The following MAPK9 variants were observed in gnomAD, a reference collection of about 807,000 sequenced individuals.
MAPK9 encodes the protein Jun kinase.
MAPK9 carries 30 observed loss-of-function variants against 57.1 expected under a neutral mutation model. The ratio of observed to expected loss-of-function variants is 0.53; its 90% confidence interval spans 0.39 to 0.71. The LOEUF is 0.71. Among genes scored for constraint, MAPK9 ranks in the 30% least tolerant of loss-of-function variants. MAPK9 has a pLI of 0.00. For synonymous variants in MAPK9, 155 were observed against 177.0 expected, an observed-to-expected ratio of 0.88 and a Z score of 0.99; for missense variants, 362 against 521.0, an observed-to-expected ratio of 0.69 and a Z score of 2.97.
At chr5:180,237,769 C>T (rs953437724) in intron 11 of MAPK9, 1 of 152,332 alleles carries the variant, frequency 6.6e-6, no homozygotes, top group African/African-American at 2.4e-5. Context: ...AAAAGGCTGG[C>T]TATTCATACA....
At chr5:180,253,336 G>T (rs559900372) in intron 5 of MAPK9, among the ~76,000 whole-genome samples, 1 of 152,196 alleles carries the variant, frequency 6.6e-6, no homozygotes, top group Non-Finnish European at 1.5e-5. Flanking sequence ...CGTGGCATGC[G>T]GAAGCCGCCC....
At chr5:180,286,906 G>A (rs1284474975) in intron 1 of MAPK9, 1 of 152,192 alleles carries the variant, frequency 6.6e-6, no homozygotes, top group Non-Finnish European at 1.5e-5. Context: ...TCCTTCAATG[G>A]GTAAATGGTT....
intron 9 of MAPK9, among the ~76,000 whole-genome samples, chr5:180,240,370 G>A (rs2127575193): frequency 6.6e-6 from 1 of 152,310 alleles, no homozygotes; most frequent in East Asian, 1.9e-4. Flanking sequence ...TTCTTCATGG[G>A]AGAACTCCCA....
rs1757608672 is a variant in MAPK9 at position 180,241,083 on chromosome 5, G to A, written c.944C>T (p.Ala315Val). 4.3e-6 allele frequency: 7 copies of A among 1,614,122 alleles called. No individual in the cohort carries two copies. Among genetic ancestry groups the A allele is most frequent in the Non-Finnish European group, 5.9e-6 (7 of 1,180,002 alleles). Residue 315 changes from alanine to valine, a missense_variant, in exon 9 of 12, where the codon GCT becomes GTT. Around this residue, in one of 3 missense-constraint regions of MAPK9, gnomAD observed 199 missense variants for 251.3 expected, o/e 0.79. Transcript: ENST00000452135. ...DPDKRISVDE[A>V]LRHPYITVWY... ...AACAGTGATGTATGGGTGACGCAGA[G>A]CTTCGTCTACAGAGATCCGCTTGTC...
chr5:180,272,848 T>G (rs888549706), intron 2 of MAPK9, among the ~76,000 whole-genome samples: 1 of 152,222 alleles, frequency 6.6e-6, no homozygotes, highest in Non-Finnish European at 1.5e-5. Context: ...TTCTGATGAG[T>G]AGACAACTAA....
rs1188258982 is a variant in MAPK9, at chr5:180,243,422, C to A, written c.689-667G>T. 2.6e-5 allele frequency among the ~76,000 whole-genome samples: 4 copies of A among 152,186 alleles called. No homozygotes were observed. The East Asian group carries it at 7.7e-4, about 29-fold the overall frequency. On this transcript the variant is annotated intron_variant, in intron 7 of 11. Transcript: ENST00000452135. Reference sequence around the variant, plus strand: ...AGTCAGGCTTCCTTGGGGTCTGTTTCCTTATTTGTTCAATGCAGACATTAC... The same window carrying A: ...AGTCAGGCTTCCTTGGGGTCTGTTTACTTATTTGTTCAATGCAGACATTAC...
intron 2 of MAPK9, among the ~76,000 whole-genome samples, chr5:180,272,886 G>A (rs1761470142): frequency 6.6e-6 from 1 of 152,152 alleles, no homozygotes; most frequent in South Asian, 2.1e-4. Context: ...TTGTATTTCA[G>A]TAGATAATGT....
intron 2 of MAPK9, among the ~76,000 whole-genome samples, chr5:180,273,803 ACT>A (rs1394028198): frequency 6.6e-6 from 1 of 151,944 alleles, no homozygotes; most frequent in African/African-American, 2.4e-5. Context: ...CACATGCATG[ACT>A]CTGTTTCAGG....
intron 1 of MAPK9, among the ~76,000 whole-genome samples, chr5:180,285,608 C>T (rs958617968): frequency 7.9e-5 from 12 of 152,040 alleles, no homozygotes; most frequent in Non-Finnish European, 1.0e-4. Context: ...TGCTTGCTGC[C>T]GACATTTTTT....
intron 1 of MAPK9, among the ~76,000 whole-genome samples, chr5:180,290,050 T>A (rs1424296208): frequency 8.0e-6 from 1 of 124,408 alleles, no homozygotes; most frequent in Non-Finnish European, 1.7e-5. Context: ...TAGAGACAGA[T>A]CTCGCTACGT....
chr5:180,259,753 G>C (rs973301778), intron 5 of MAPK9, among the ~76,000 whole-genome samples: 1 of 151,632 alleles, frequency 6.6e-6, no homozygotes, highest in Non-Finnish European at 1.5e-5. Flanking sequence ...GCAATGTGGT[G>C]AAGTCTTCAG....
intron 5 of MAPK9, 103 bp downstream of exon 5, chr5:180,261,581 A>G: frequency 8.8e-7 from 1 of 1,141,564 alleles, no homozygotes; most frequent in Non-Finnish European, 1.2e-6. Flanking sequence ...ATCTATTTGG[A>G]TTTTCAAGCC....
In MAPK9 at chr5:180,247,554, A is replaced by G; in HGVS notation, c.617-44T>C. 6.5e-7 allele frequency: 1 copy of G among 1,541,300 alleles called. No individual in the cohort carries two copies. The highest frequency in any genetic ancestry group is 8.9e-7 in the Non-Finnish European group (1 of 1,117,406). On this transcript the variant is annotated intron_variant, in intron 6 of 11. Coordinates refer to ENST00000452135, the MANE Select transcript of MAPK9 (RefSeq NM_002752.5). The surrounding 1 kb of genome is among the most constrained non-coding windows in gnomAD (Gnocchi z 4.5). Reference sequence around the variant, plus strand: ...GATAAAATTATGAAGTGCCATGAACAAAACAAAAGTGAGGAAAAGGAATTC... The same window carrying G: ...GATAAAATTATGAAGTGCCATGAACGAAACAAAAGTGAGGAAAAGGAATTC...
chr5:180,265,818 G>A (rs1034065292), intron 3 of MAPK9, among the ~76,000 whole-genome samples: 1 of 151,928 alleles, frequency 6.6e-6, no homozygotes, highest in African/African-American at 2.4e-5. Flanking sequence ...GGTTAGCTAA[G>A]GACAAAAATA....
At chr5:180,242,070 G>A (rs1225207639) in intron 8 of MAPK9, among the ~76,000 whole-genome samples, 1 of 152,144 alleles carries the variant, frequency 6.6e-6, no homozygotes, top group Non-Finnish European at 1.5e-5. Context: ...GCTCACCTAG[G>A]TTTTGTCAAT....
At chr5:180,278,580 G>A (rs1447907278) in intron 2 of MAPK9, among the ~76,000 whole-genome samples, 3 of 152,138 alleles carry the variant, frequency 2.0e-5, no homozygotes, top group African/African-American at 7.2e-5. Flanking sequence ...TGCGCCTGTA[G>A]TCCCAGCTAC....
intron 3 of MAPK9, among the ~76,000 whole-genome samples, chr5:180,267,337 A>G (rs556233421): frequency 5.1e-4 from 78 of 152,224 alleles, no homozygotes; most frequent in Non-Finnish European, 7.9e-4. Context: ...CGAGGCAGGC[A>G]GATCACGAGG....
chr5:180,241,462 T>C (rs1581167934), intron 8 of MAPK9, among the ~76,000 whole-genome samples: 1 of 152,168 alleles, frequency 6.6e-6, no homozygotes, highest in South Asian at 2.1e-4. Context: ...CATGCCCGGA[T>C]AATTTTTTGT....
chr5:180,250,771 G>C (rs968045963), intron 5 of MAPK9, among the ~76,000 whole-genome samples: 9 of 152,118 alleles, frequency 5.9e-5, no homozygotes, highest in Non-Finnish European at 7.4e-5. Flanking sequence ...GCCCCAAAAA[G>C]AGGCCCCCAG....
Sources: gnomAD v4.1 joint callset for allele counts (sites outside exome capture counted in the v4.1 genomes callset) on GRCh38, gnomAD v4.1.1 for gene constraint, gnomAD v4.1.1 regional missense constraint, Gnocchi (gnomAD v3.1) non-coding constraint, MANE v1.5 for transcripts, NCBI Gene and HGNC (gene_info 2026-07-23, HGNC 2026-07-21) for gene names.